NPNT: variants seen among roughly 807,000 people sequenced by gnomAD.
NPNT encodes nephronectin.
A neutral mutation model predicts 68.6 loss-of-function variants in NPNT; 45 were observed. The ratio of observed to expected loss-of-function variants is 0.66; its 90% confidence interval spans 0.52 to 0.84. The LOEUF is 0.84. Among genes scored for constraint, NPNT ranks in the 40% least tolerant of loss-of-function variants. NPNT has a pLI of 0.00. For synonymous variants in NPNT, 233 were observed against 253.3 expected (o/e 0.92, Z 0.76); for missense variants, 672 against 714.8 (o/e 0.94, Z 0.68).
At chr4:105,966,870 G>A (rs536471185) in intron 10 of NPNT, among the ~76,000 whole-genome samples, 1 of 152,258 alleles carries the variant, frequency 6.6e-6, no homozygotes, top group African/African-American at 2.4e-5. Context: ...TCACAAGGTG[G>A]TGAATGTGTA....
At chr4:105,962,346 G>C (rs1261200516) in intron 10 of NPNT, among the ~76,000 whole-genome samples, 2 of 152,176 alleles carry the variant, frequency 1.3e-5, no homozygotes, top group East Asian at 1.9e-4. Context: ...TGATGCATCA[G>C]GGTTCCTTTT....
At chr4:105,931,176 T>C (rs138394063) in intron 3 of NPNT, among the ~76,000 whole-genome samples, 1 of 152,288 alleles carries the variant, frequency 6.6e-6, no homozygotes, top group African/African-American at 2.4e-5. Context: ...AAAAAAATAT[T>C]ATTATAGATA....
chr4:105,927,314 G>A (rs752421525), intron 2 of NPNT, 22 bp from the exon 3 acceptor site: 8 of 1,510,524 alleles, frequency 5.3e-6, no homozygotes, highest in Non-Finnish European at 7.3e-6. Context: ...TAGAAATAAT[G>A]CATGCCATCT....
At chr4:105,905,067 G>T (rs533352144) in intron 2 of NPNT, among the ~76,000 whole-genome samples, 1 of 151,312 alleles carries the variant, frequency 6.6e-6, no homozygotes. Flanking sequence ...TTTGTGTATA[G>T]TATGGGCTTT....
At chr4:105,961,052 C>G (rs185549040) in intron 10 of NPNT, among the ~76,000 whole-genome samples, 3 of 152,098 alleles carry the variant, frequency 2.0e-5, no homozygotes, top group Non-Finnish European at 4.4e-5. Flanking sequence ...ATCATTCACT[C>G]GAGGAGCAAA....
chr4:105,897,318 T>C (rs1049091463), intron 1 of NPNT, among the ~76,000 whole-genome samples: 3 of 152,198 alleles, frequency 2.0e-5, no homozygotes, highest in Admixed American at 6.5e-5. Context: ...CTCTCCTTGG[T>C]TTTATTTAGA....
At chr4:105,919,767 G>A (rs895128294) in intron 2 of NPNT, among the ~76,000 whole-genome samples, 3 of 151,420 alleles carry the variant, frequency 2.0e-5, no homozygotes, top group African/African-American at 7.3e-5. Context: ...GTGCACATAT[G>A]TTGGTTTGTC....
intron 10 of NPNT, among the ~76,000 whole-genome samples, chr4:105,959,471 A>G (rs1731505429): frequency 6.6e-6 from 1 of 151,646 alleles, no homozygotes; most frequent in African/African-American, 2.4e-5. Context: ...ATAGTGGTAT[A>G]TCAGCCATGG....
At chr4:105,896,819 G>T (rs1725894704) in intron 1 of NPNT, among the ~76,000 whole-genome samples, 2 of 152,124 alleles carry the variant, frequency 1.3e-5, no homozygotes. Flanking sequence ...GAAAGTTCGG[G>T]GTTATTTTGT....
At chr4:105,962,143 T>C (rs1241123657) in intron 10 of NPNT, among the ~76,000 whole-genome samples, 1 of 152,234 alleles carries the variant, frequency 6.6e-6, no homozygotes, top group Admixed American at 6.5e-5. Context: ...GGACCATCTC[T>C]ATAGAAATAT....
intron 8 of NPNT, among the ~76,000 whole-genome samples, chr4:105,947,926 C>G (rs545769682): frequency 6.6e-6 from 1 of 152,186 alleles, no homozygotes; most frequent in African/African-American, 2.4e-5. Context: ...TATTTAATCT[C>G]CAGATGTTTT....
chr4:105,910,566 G>C (rs1727283737), intron 2 of NPNT, among the ~76,000 whole-genome samples: 1 of 152,096 alleles, frequency 6.6e-6, no homozygotes, highest in African/African-American at 2.4e-5. Context: ...TGTTGTGATG[G>C]TTGCATATAA....
At position 105,909,789 on chromosome 4, in the gene NPNT, G is replaced by T. The variant is rs535984297; in HGVS notation, c.172+11788G>T. 5.9e-5 allele frequency among the ~76,000 whole-genome samples: 9 copies of T among 152,272 alleles called. No individual in the cohort carries two copies. The East Asian group carries it at 1.7e-3, about 29-fold the overall frequency. On this transcript the variant is annotated intron_variant, in intron 2 of 11. Coordinates refer to ENST00000379987, the MANE Select transcript of NPNT (RefSeq NM_001033047.3). ...CTTTTTCTAGCTGATGATTAAGGTT[G>T]AGAGGCAGAAGTACATTGTGTCAGG...
chr4:105,966,568 G>A (rs976799548), intron 10 of NPNT, among the ~76,000 whole-genome samples: 1 of 152,140 alleles, frequency 6.6e-6, no homozygotes, highest in South Asian at 2.1e-4. Context: ...AGACGGGGAG[G>A]GTTTCCTGAA....
At chr4:105,962,753 A>G (rs541904743) in intron 10 of NPNT, among the ~76,000 whole-genome samples, 1 of 152,262 alleles carries the variant, frequency 6.6e-6, no homozygotes, top group South Asian at 2.1e-4. Flanking sequence ...TTTTTAGAAT[A>G]TGTTGAGAGA....
At chr4:105,962,454 C>T (rs1042574941) in intron 10 of NPNT, among the ~76,000 whole-genome samples, 1 of 151,884 alleles carries the variant, frequency 6.6e-6, no homozygotes, top group African/African-American at 2.4e-5. Flanking sequence ...TTTTGGCTCA[C>T]TGTCATCTAA....
chr4:105,904,425 T>TA (rs1726703766), intron 2 of NPNT, among the ~76,000 whole-genome samples: 3 of 152,144 alleles, frequency 2.0e-5, no homozygotes, highest in African/African-American at 7.2e-5. Context: ...TGATCTTTCC[T>TA]TGATTTTAGG....
intron 8 of NPNT, among the ~76,000 whole-genome samples, chr4:105,948,648 T>A (rs1730572747): frequency 1.3e-5 from 2 of 152,188 alleles, no homozygotes; most frequent in Admixed American, 1.3e-4. Flanking sequence ...TAAACTTATT[T>A]TTAAAATAAT....
At chr4:105,897,730 T>C (rs941976390) in intron 1 of NPNT, among the ~76,000 whole-genome samples, 171 bp from the exon 2 acceptor site, 13 of 152,342 alleles carry the variant, frequency 8.5e-5, no homozygotes, top group African/African-American at 3.1e-4. Context: ...CATTAGATCA[T>C]AGCAGAACTA....
Sources: allele counts gnomAD v4.1 joint callset (sites outside exome capture counted in the v4.1 genomes callset), GRCh38; gene constraint gnomAD v4.1.1; transcripts MANE v1.5; gene names NCBI Gene and HGNC (gene_info 2026-07-23, HGNC 2026-07-21).